Variants in SLC12A6 observed in about 807,000 individuals in gnomAD.
The protein encoded by SLC12A6 is solute carrier family 12 member 6, also known as K-Cl cotransporter 3.
Under a neutral mutation model 135.3 loss-of-function variants are expected in SLC12A6, and 66 were observed. The ratio of observed to expected loss-of-function variants is 0.49; its 90% confidence interval spans 0.40 to 0.60. SLC12A6 has a LOEUF of 0.60. SLC12A6 is among the 20% of genes least tolerant of loss of function. The pLI, the probability that SLC12A6 is intolerant of heterozygous loss-of-function variation, is 0.00. For synonymous variants in SLC12A6, 513 were observed against 508.8 expected (o/e 1.01, Z -0.11); for missense variants, 1,058 against 1,452.3 (o/e 0.73, Z 4.41).
intron 25 of SLC12A6, 26 bp from the exon 26 acceptor site, chr15:34,233,998 C>G (rs373027493): frequency 2.0e-5 from 24 of 1,215,116 alleles, no homozygotes; most frequent in Non-Finnish European, 2.9e-5. Context: ...AGGAGACAGG[C>G]AAAAGAAGAG....
At chr15:34,296,066 A>ACTGT (rs1895860961) in intron 2 of SLC12A6, among the ~76,000 whole-genome samples, 1 of 152,212 alleles carries the variant, frequency 6.6e-6, no homozygotes, top group Non-Finnish European at 1.5e-5. Context: ...ATTGTTAAGG[A>ACTGT]CTGTCTGTAC....
intron 16 of SLC12A6, 98 bp downstream of exon 16, chr15:34,243,875 GA>G: frequency 1.3e-6 from 1 of 796,264 alleles, no homozygotes; most frequent in East Asian, 2.4e-5. Flanking sequence ...GGCTGACCAA[GA>G]AAAAAATTTT....
At chr15:34,288,711 G>A (rs1267566503) in intron 2 of SLC12A6, among the ~76,000 whole-genome samples, 1 of 152,172 alleles carries the variant, frequency 6.6e-6, no homozygotes, top group Non-Finnish European at 1.5e-5. Flanking sequence ...TCCCTTGTAA[G>A]TTGGATTCCT....
At chr15:34,326,739 TG>T (rs1395808379) in intron 2 of SLC12A6, among the ~76,000 whole-genome samples, 1 of 150,516 alleles carries the variant, frequency 6.6e-6, no homozygotes, top group East Asian at 1.9e-4. Context: ...TCACCCAGGC[TG>T]GAGTGCAGTG....
chr15:34,303,935 C>T (rs970798415), intron 2 of SLC12A6, among the ~76,000 whole-genome samples: 1 of 152,100 alleles, frequency 6.6e-6, no homozygotes, highest in African/African-American at 2.4e-5. Context: ...AAGACAACAC[C>T]ATATAATTCA....
intron 2 of SLC12A6, among the ~76,000 whole-genome samples, chr15:34,309,800 G>C (rs897127831): frequency 1.3e-5 from 2 of 152,052 alleles, no homozygotes; most frequent in African/African-American, 4.8e-5. Flanking sequence ...CTTAAAAAAA[G>C]GATAAAGCTT....
intron 2 of SLC12A6, among the ~76,000 whole-genome samples, chr15:34,305,757 G>T (rs923345812): frequency 4.0e-5 from 6 of 149,602 alleles, no homozygotes; most frequent in Non-Finnish European, 3.0e-5. Context: ...CTCTCCTCCA[G>T]CATTTTTTTT....
chr15:34,334,846 A>G (rs925597053), intron 2 of SLC12A6, among the ~76,000 whole-genome samples: 5 of 152,190 alleles, frequency 3.3e-5, no homozygotes, highest in Non-Finnish European at 5.9e-5. Flanking sequence ...TAGACTGTAA[A>G]GAATGCTTAA....
At chr15:34,237,719 T>C (rs1891366494) in intron 21 of SLC12A6, among the ~76,000 whole-genome samples, 169 bp from the exon 22 acceptor site, 1 of 152,226 alleles carries the variant, frequency 6.6e-6, no homozygotes, top group East Asian at 1.9e-4. Flanking sequence ...AAAGATTGAC[T>C]AAACACCACA....
chr15:34,241,588 T>C (rs1159931404), intron 17 of SLC12A6, among the ~76,000 whole-genome samples: 2 of 152,196 alleles, frequency 1.3e-5, no homozygotes, highest in East Asian at 3.8e-4. Context: ...AGTCCTTCTA[T>C]GTAATTGTTC....
chr15:34,318,827 A>C, intron 2 of SLC12A6: 3 of 1,517,198 alleles, frequency 2.0e-6, no homozygotes, highest in Non-Finnish European at 2.6e-6. Context: ...CTTTAAGCTC[A>C]CGTGACCTAC....
intron 3 of SLC12A6, among the ~76,000 whole-genome samples, chr15:34,271,602 T>TACACACACACACAC (rs10588100): frequency 0.039 from 5,837 of 148,866 alleles, 217 homozygotes; most frequent in African/African-American, 0.092. Flanking sequence ...AGTGCAAAGC[T>TACACACACACACAC]ACACACACAC....
intron 2 of SLC12A6, chr15:34,314,764 C>A (rs2141095744): frequency 6.6e-6 from 1 of 151,684 alleles, no homozygotes; most frequent in South Asian, 2.1e-4. Flanking sequence ...ACTAACTGAT[C>A]ATAACCAGTT....
intron 3 of SLC12A6, 98 bp downstream of exon 3, chr15:34,275,247 G>T: frequency 1.4e-6 from 1 of 693,104 alleles, no homozygotes; most frequent in East Asian, 2.7e-5. Flanking sequence ...AGAAAAGGAG[G>T]GGATAGAAAA....
chr15:34,249,003 T>G (rs1443001075), intron 13 of SLC12A6, among the ~76,000 whole-genome samples: 2 of 152,026 alleles, frequency 1.3e-5, no homozygotes. Context: ...GAGATAACAG[T>G]AAAAAGAGGT....
intron 2 of SLC12A6, among the ~76,000 whole-genome samples, chr15:34,319,862 TAC>T (rs1214430859): frequency 6.6e-6 from 1 of 151,704 alleles, no homozygotes; most frequent in Non-Finnish European, 1.5e-5. Context: ...TTTTGTATTG[TAC>T]AGAGTGGTTG....
intron 3 of SLC12A6, among the ~76,000 whole-genome samples, chr15:34,267,278 T>C (rs1193831568): frequency 1.3e-5 from 2 of 152,178 alleles, no homozygotes; most frequent in African/African-American, 4.8e-5. Flanking sequence ...TTAGAGTTGT[T>C]TTATTGAGAC....
At chr15:34,311,380 A>G (rs543280941) in intron 2 of SLC12A6, among the ~76,000 whole-genome samples, 2 of 152,228 alleles carry the variant, frequency 1.3e-5, no homozygotes, top group Non-Finnish European at 2.9e-5. Context: ...AAATATTTAA[A>G]TAAATGAATG....
intron 2 of SLC12A6, among the ~76,000 whole-genome samples, chr15:34,316,650 G>C (rs1175545807): frequency 6.6e-6 from 1 of 152,274 alleles, no homozygotes. Context: ...TACTATGGAA[G>C]AAAATAAATT....
Sources: gnomAD v4.1 joint callset for allele counts (sites outside exome capture counted in the v4.1 genomes callset) on GRCh38, gnomAD v4.1.1 for gene constraint, MANE v1.5 for transcripts, NCBI Gene and HGNC (gene_info 2026-07-23, HGNC 2026-07-21) for gene names.